Variants in TMEM244 observed in about 807,000 individuals in gnomAD.
TMEM244 encodes the protein putative transmembrane protein 244.
In TMEM244, 13 loss-of-function variants were observed where a neutral mutation model predicts 15.8. That is an observed-to-expected ratio of 0.82 (90% CI 0.53 to 1.30). The LOEUF (loss-of-function observed/expected upper bound fraction) is 1.30, where lower values mean the gene tolerates loss of function less well. TMEM244 is among the 50% of genes most tolerant of loss of function. TMEM244 has a pLI of 0.00. For synonymous variants in TMEM244, 45 were observed against 48.7 expected, an observed-to-expected ratio of 0.92 and a Z score of 0.32; for missense variants, 161 against 144.9, an observed-to-expected ratio of 1.11 and a Z score of -0.57.
intron 1 of TMEM244, among the ~76,000 whole-genome samples, chr6:129,858,215 A>T (rs1184104685): frequency 2.6e-5 from 4 of 152,124 alleles, no homozygotes; most frequent in Non-Finnish European, 5.9e-5. Flanking sequence ...TTAGGTGACA[A>T]CATATTTCTT....
At chr6:129,855,748 A>T (rs1228609575) in intron 1 of TMEM244, among the ~76,000 whole-genome samples, 1 of 152,198 alleles carries the variant, frequency 6.6e-6, no homozygotes, top group Non-Finnish European at 1.5e-5. Context: ...TCTTATGAGA[A>T]GATGCATAAT....
chr6:129,843,510 TTTAAAA>T lies in TMEM244; in HGVS notation c.193+14_193+19del, dbSNP rs1776518774. The T allele has an allele frequency of 6.4e-7, 1 of 1,570,588 alleles. No homozygotes were observed. Among genetic ancestry groups the T allele is most frequent in the East Asian group, 2.3e-5 (1 of 44,332 alleles). ...CATTTAGTTCACTAATTGATAAGAATTTAAAATTAAAACAATTACCTTTATAGTTTA... is the reference window on the plus strand; with the variant it reads ...CATTTAGTTCACTAATTGATAAGAATTTAAAACAATTACCTTTATAGTTTA... On this transcript the variant is annotated intron_variant, in intron 3 of 4. Transcript: ENST00000368143.
At chr6:129,859,222 A>G (rs1421715047) in intron 1 of TMEM244, among the ~76,000 whole-genome samples, 1 of 152,214 alleles carries the variant, frequency 6.6e-6, no homozygotes, top group Non-Finnish European at 1.5e-5. Context: ...ACTCATCTAC[A>G]GGTAAAGTTT....
chr6:129,843,626 C>G (rs773774896), intron 2 of TMEM244, 23 bp from the exon 3 acceptor site: 1 of 1,565,538 alleles, frequency 6.4e-7, no homozygotes, highest in African/African-American at 1.4e-5. Flanking sequence ...TAAGTGAAAA[C>G]AGTTTACTCT....
intron 4 of TMEM244, among the ~76,000 whole-genome samples, chr6:129,831,774 T>G (rs1284857645): frequency 6.6e-6 from 1 of 152,224 alleles, no homozygotes; most frequent in African/African-American, 2.4e-5. Flanking sequence ...TGTTAGATCA[T>G]TAACTCATAA....
chr6:129,838,536 A>G (rs1181999785), intron 3 of TMEM244, among the ~76,000 whole-genome samples: 1 of 152,214 alleles, frequency 6.6e-6, no homozygotes, highest in Non-Finnish European at 1.5e-5. Flanking sequence ...GAGAAGCAAG[A>G]GCAAAAAAAT....
intron 3 of TMEM244, among the ~76,000 whole-genome samples, chr6:129,834,869 A>G (rs1776381111): frequency 6.6e-6 from 1 of 152,118 alleles, no homozygotes; most frequent in Admixed American, 6.6e-5. Context: ...GAATCACGAC[A>G]TTATTGTAGG....
chr6:129,858,410 G>A (rs1032767314), intron 1 of TMEM244, among the ~76,000 whole-genome samples: 6 of 152,158 alleles, frequency 3.9e-5, no homozygotes, highest in African/African-American at 1.4e-4. Context: ...ATTTTGCAAA[G>A]CAGAATGTTC....
chr6:129,855,693 C>T (rs1002607628), intron 1 of TMEM244, among the ~76,000 whole-genome samples: 5 of 152,068 alleles, frequency 3.3e-5, no homozygotes, highest in African/African-American at 1.2e-4. Flanking sequence ...TCAGATTCTT[C>T]GGAGAAGAAC....
rs781663383 is a variant in TMEM244 at position 129,861,165 on chromosome 6, A to G, written c.24T>C (p.Ala8=). The G allele has an allele frequency of 1.9e-5, 31 of 1,613,726 alleles. No homozygotes were observed. Among genetic ancestry groups the G allele is most frequent in the Non-Finnish European group, 2.6e-5 (31 of 1,179,774 alleles). MALQVRV[A]PSKVVLQKFL... ...AGTAATTTCTCTTTACCTTGCTTGG[A>G]GCAACTCTGACCTGGAGAGCCATGT... Residue 8 remains alanine (A), a synonymous_variant, in exon 1 of 5, where the codon GCT becomes GCC. Coordinates refer to ENST00000368143, the MANE Select transcript of TMEM244 (RefSeq NM_001010876.2).
At chr6:129,858,477 G>A (rs1776749777) in intron 1 of TMEM244, among the ~76,000 whole-genome samples, 1 of 152,090 alleles carries the variant, frequency 6.6e-6, no homozygotes, top group Non-Finnish European at 1.5e-5. Context: ...TATTCTCTAG[G>A]TCTGGCTCAT....
intron 1 of TMEM244, among the ~76,000 whole-genome samples, chr6:129,852,467 T>G (rs1283482458): frequency 6.6e-6 from 1 of 152,150 alleles, no homozygotes; most frequent in East Asian, 1.9e-4. Flanking sequence ...GCACAGAAGC[T>G]GGCACTTCGC....
intron 1 of TMEM244, among the ~76,000 whole-genome samples, chr6:129,860,763 TA>T (rs1372649852): frequency 2.0e-5 from 3 of 150,870 alleles, no homozygotes; most frequent in Non-Finnish European, 2.9e-5. Flanking sequence ...ACTTTGCATT[TA>T]AAATTTTGCG....
intron 1 of TMEM244, among the ~76,000 whole-genome samples, chr6:129,851,361 C>T (rs767943251): frequency 1.3e-5 from 2 of 152,140 alleles, no homozygotes; most frequent in Non-Finnish European, 2.9e-5. Context: ...CTCCACCTCC[C>T]AGGCTCAAGC....
At chr6:129,840,882 T>A (rs1776480174) in intron 3 of TMEM244, among the ~76,000 whole-genome samples, 1 of 152,182 alleles carries the variant, frequency 6.6e-6, no homozygotes. Flanking sequence ...AGATACCATC[T>A]CATGCCAGTT....
chr6:129,860,355 T>G (rs57481790), intron 1 of TMEM244, among the ~76,000 whole-genome samples: 1 of 152,288 alleles, frequency 6.6e-6, no homozygotes, highest in African/African-American at 2.4e-5. Flanking sequence ...CCTGAAATAA[T>G]GTTTTACTGA....
At chr6:129,854,883 T>A (rs1299737165) in intron 1 of TMEM244, among the ~76,000 whole-genome samples, 1 of 152,228 alleles carries the variant, frequency 6.6e-6, no homozygotes, top group Admixed American at 6.5e-5. Context: ...TTCATGAAGA[T>A]CTAGGCTCTT....
intron 3 of TMEM244, among the ~76,000 whole-genome samples, chr6:129,841,278 A>G (rs1487202140): frequency 6.6e-6 from 1 of 152,154 alleles, no homozygotes; most frequent in South Asian, 2.1e-4. Flanking sequence ...TTGTAGGGAC[A>G]TGGATGAAGC....
intron 1 of TMEM244, among the ~76,000 whole-genome samples, chr6:129,856,279 C>G (rs1402166862): frequency 6.6e-6 from 1 of 152,054 alleles, no homozygotes; most frequent in Admixed American, 6.6e-5. Context: ...GGGATACTGT[C>G]TTTTTCATTA....
Sources: gnomAD v4.1 joint callset for allele counts (sites outside exome capture counted in the v4.1 genomes callset) on GRCh38, gnomAD v4.1.1 for gene constraint, MANE v1.5 for transcripts, NCBI Gene and HGNC (gene_info 2026-07-23, HGNC 2026-07-21) for gene names.